The following MTSS2 variants were observed in gnomAD, a reference collection of about 807,000 sequenced individuals.
MTSS2 encodes MTSS I-BAR domain containing 2.
In MTSS2, 27 loss-of-function variants were observed where a neutral mutation model predicts 67.1. The ratio of observed to expected loss-of-function variants is 0.40; its 90% CI spans 0.30 to 0.55. The LOEUF is 0.55. Among genes scored for constraint, MTSS2 ranks in the 20% least tolerant of loss-of-function variants. The pLI is 0.43. For missense variants in MTSS2, 1,171 were observed against 1,067.8 expected (o/e 1.10, Z -1.35); for synonymous variants, 624 against 468.6 (o/e 1.33, Z -4.28).
intron 1 of MTSS2, among the ~76,000 whole-genome samples, chr16:70,684,679 C>T (rs1299962146): frequency 6.6e-6 from 1 of 152,080 alleles, no homozygotes; most frequent in Non-Finnish European, 1.5e-5. Context: ...CTCGTTCTTT[C>T]CCCTTCTCCC....
intron 1 of MTSS2, 119 bp from the exon 2 acceptor site, chr16:70,681,144 G>A (rs1232094950): frequency 2.2e-6 from 2 of 904,478 alleles, no homozygotes; most frequent in South Asian, 1.7e-5. Flanking sequence ...CAGCAGCCCT[G>A]CCCCATGGAG....
In MTSS2 at chr16:70,662,330, C is replaced by T. The variant is rs1044453766; in HGVS notation, c.*1347G>A. 2.6e-5 allele frequency: 4 copies of T among 152,374 alleles called. No homozygotes were observed. Among genetic ancestry groups the T allele is most frequent in the African/African-American group, 9.6e-5 (4 of 41,458 alleles). The allele number at this position is 152,374 out of a possible 1,614,324, so 9.4% of individuals were successfully genotyped here. A position where few individuals can be genotyped will look rare whatever the true frequency, so the allele number is the denominator to read the frequency against. On this transcript the variant is annotated 3_prime_UTR_variant, in exon 15 of 15. Coordinates refer to ENST00000338779, the MANE Select transcript of MTSS2 (RefSeq NM_138383.3). ...CAGGACTCCCTCCGCTCGCCCTAGG[C>T]TCACGTGCTTTTACCTGCTGAGACT...
intron 1 of MTSS2, among the ~76,000 whole-genome samples, chr16:70,683,810 G>A (rs1010650400): frequency 1.3e-5 from 2 of 152,196 alleles, no homozygotes; most frequent in Admixed American, 6.5e-5. Context: ...TCAGGCCACC[G>A]AGGGGAAAAT....
intron 2 of MTSS2, 38 bp from the exon 3 acceptor site, chr16:70,680,905 G>T: frequency 6.5e-7 from 1 of 1,540,758 alleles, no homozygotes; most frequent in South Asian, 1.2e-5. Flanking sequence ...GTCGGTGGTT[G>T]GGCGGGGGGG....
At chr16:70,673,566 T>C (rs1173982741) in intron 11 of MTSS2, among the ~76,000 whole-genome samples, 1 of 152,220 alleles carries the variant, frequency 6.6e-6, no homozygotes, top group Non-Finnish European at 1.5e-5. Context: ...TTCTAAAAGA[T>C]GTTTTTTACT....
intron 1 of MTSS2, 82 bp from the exon 2 acceptor site, chr16:70,681,107 C>A: frequency 7.4e-7 from 1 of 1,344,896 alleles, no homozygotes; most frequent in South Asian, 1.4e-5. Context: ...CTGCATGCTC[C>A]ATCCAGACTT....
intron 13 of MTSS2, 23 bp from the exon 14 acceptor site, chr16:70,664,786 T>G (rs1227547843): frequency 6.3e-7 from 1 of 1,590,624 alleles, no homozygotes; most frequent in Non-Finnish European, 8.6e-7. Context: ...AAGTGCAGGC[T>G]GAAGCCTTGC....
At chr16:70,678,525 T>C in intron 7 of MTSS2, 116 bp from the exon 8 acceptor site, 1 of 1,276,910 alleles carries the variant, frequency 7.8e-7, no homozygotes, top group Non-Finnish European at 1.1e-6. Context: ...GGTGTTGCCC[T>C]GGGGCCAGGG....
At position 70,664,680 on chromosome 16, in the gene MTSS2, G is replaced by A. The variant is rs1331521457; in HGVS notation, c.1389C>T (p.Ser463=). The change falls in exon 14 of 15, where the codon AGC becomes AGT. Residue 463 remains serine (S), a synonymous_variant. Coordinates refer to ENST00000338779, the MANE Select transcript of MTSS2 (RefSeq NM_138383.3). ...CGCTGGAGTACTGCAGCGAGTCCCG[G>A]CTGCTCTTCTGGTGCTCCAGGCTCA... ...RGLSLEHQKS[S]RDSLQYSSGY... 2 of 1,613,352 alleles carry A rather than the reference G, an allele frequency of 1.2e-6. No homozygotes were observed. The highest frequency in any genetic ancestry group is 4.5e-5 in the East Asian group (2 of 44,876).
At chr16:70,665,419 G>A (rs2052675743) in intron 12 of MTSS2, 47 bp downstream of exon 12, 2 of 1,523,396 alleles carry the variant, frequency 1.3e-6, no homozygotes, top group Non-Finnish European at 1.8e-6. Context: ...GGCATGGATG[G>A]GAGGGGCAGC....
chr16:70,662,079 T>C lies in MTSS2; in HGVS notation c.*1598A>G, dbSNP rs11558903. 28,505 of 152,224 alleles carry C rather than the reference T, an allele frequency of 0.19. 3,064 individuals carry two copies. Among genetic ancestry groups the C allele is most frequent in the South Asian group, 0.29 (1,378 of 4,830 alleles). 9.4% of individuals were successfully genotyped at this position (152,224 alleles called of 1,614,324 possible). On this transcript the variant is annotated 3_prime_UTR_variant, in exon 15 of 15. Coordinates refer to ENST00000338779, the MANE Select transcript of MTSS2 (RefSeq NM_138383.3). ...TCATCAGCTCCCTCTGATGGGACTCTGTCCACATCAGGGCCTGCTTGGTGC... is the reference window on the plus strand; with the variant it reads ...TCATCAGCTCCCTCTGATGGGACTCCGTCCACATCAGGGCCTGCTTGGTGC...
intron 11 of MTSS2, among the ~76,000 whole-genome samples, chr16:70,667,874 GA>G (rs898330373): frequency 6.7e-6 from 1 of 149,200 alleles, no homozygotes; most frequent in Admixed American, 6.7e-5. Flanking sequence ...CTCTGCCTCA[GA>G]AAAAAAACCA....
rs200297806 is a variant in MTSS2, at chr16:70,676,866, C to T, written c.830+15G>A. On this transcript the variant is annotated intron_variant, in intron 10 of 14. Coordinates refer to ENST00000338779, the MANE Select transcript of MTSS2 (RefSeq NM_138383.3). ...TACCGCCCCCCACACCCCTGGGAAC[C>T]CCACCCCCACTGACCTGCACATGCT... The T allele has an allele frequency of 4.9e-4, 794 of 1,610,800 alleles. 4 individuals are homozygous for T. The highest frequency in any genetic ancestry group is 1.3e-3 in the African/African-American group (98 of 74,966).
chr16:70,665,256 C>T (rs1247020281), intron 12 of MTSS2, 160 bp from the exon 13 acceptor site: 2 of 967,470 alleles, frequency 2.1e-6, no homozygotes, highest in African/African-American at 3.3e-5. Context: ...ACTGTGGCCC[C>T]TCAGTCCCAC....
rs750138628 is a variant in MTSS2 at position 70,674,571 on chromosome 16, A to T, written c.831-43T>A. ...GAGGGCACAGCAGCCAGACAGGGAGACAGAGGGGTGTGTGTTTGGGGGAGG... is the reference window on the plus strand; with the variant it reads ...GAGGGCACAGCAGCCAGACAGGGAGTCAGAGGGGTGTGTGTTTGGGGGAGG... On this transcript the variant is annotated intron_variant, in intron 10 of 14. Coordinates refer to ENST00000338779, the MANE Select transcript of MTSS2 (RefSeq NM_138383.3). The T allele has an allele frequency of 1.8e-5, 28 of 1,566,084 alleles. No homozygotes were observed. The Admixed American group carries it at 4.7e-4, about 26-fold the overall frequency.
At chr16:70,680,910 G>T (rs750131433) in intron 2 of MTSS2, 43 bp from the exon 3 acceptor site, 16 of 1,503,212 alleles carry the variant, frequency 1.1e-5, no homozygotes, top group Middle Eastern at 3.5e-4. Flanking sequence ...TGGTTGGGCG[G>T]GGGGGGGGCC....
chr16:70,672,692 AAAAAG>A (rs2052983589), intron 11 of MTSS2, among the ~76,000 whole-genome samples: 1 of 151,692 alleles, frequency 6.6e-6, no homozygotes, highest in African/African-American at 2.4e-5. Context: ...AAAAAAAAAA[AAAAAG>A]AAAAAGTCGA....
rs548487934 is a variant in MTSS2, at chr16:70,677,319, C to T, written c.733-341G>A. 2.2e-3 allele frequency among the ~76,000 whole-genome samples: 331 copies of T among 152,260 alleles called. 2 individuals are homozygous for T. Among genetic ancestry groups the T allele is most frequent in the African/African-American group, 6.9e-3 (288 of 41,558 alleles). ...TAGAGTGGAAGATTCCCTGAGATAACGTGGCAGATGCTGGGCATGCAACAA... is the reference window on the plus strand; with the variant it reads ...TAGAGTGGAAGATTCCCTGAGATAATGTGGCAGATGCTGGGCATGCAACAA... On this transcript the variant is annotated intron_variant, in intron 9 of 14. Transcript: ENST00000338779.
Position 70,664,356 on chromosome 16 carries a change from T to C in MTSS2, c.1565A>G (p.Asn522Ser), listed in dbSNP as rs768090891. ...DKSSTIPRNS[N>S]IAQNYRRLIQ... ...CAGGCGGCGGTAGTTCTGGGCGATG[T>C]TGCTGTTGCGCGGGATGGTGGATGA... Residue 522 changes from asparagine to serine, a missense_variant, in exon 15 of 15, where the codon AAC becomes AGC. Around this residue, in one of 2 missense-constraint regions of MTSS2, gnomAD observed 924 missense variants for 756.0 expected, o/e 1.22. Transcript: ENST00000338779. 1.9e-6 allele frequency: 3 copies of C among 1,596,010 alleles called. No individual in the cohort carries two copies. The highest frequency in any genetic ancestry group is 2.6e-6 in the Non-Finnish European group (3 of 1,173,186).
Sources: gnomAD v4.1 joint callset for allele counts (sites outside exome capture counted in the v4.1 genomes callset) on GRCh38, gnomAD v4.1.1 for gene constraint, gnomAD v4.1.1 regional missense constraint, MANE v1.5 for transcripts, NCBI Gene and HGNC (gene_info 2026-07-23, HGNC 2026-07-21) for gene names.